ZNF678: variants seen among roughly 807,000 people sequenced by gnomAD.
ZNF678 encodes zinc finger protein 678, also known as hypothetical protein MGC42493.
Under a neutral mutation model 3.0 loss-of-function variants are expected in ZNF678, and 5 were observed. The observed-to-expected ratio is 1.69, with a 90% CI of 0.88 to 3.56. The LOEUF (loss-of-function observed/expected upper bound fraction) is 3.56, where lower values mean the gene tolerates loss of function less well. Ranked by LOEUF, ZNF678 falls within the 30% of genes most tolerant of loss-of-function variation. The pLI is 0.00. For synonymous variants in ZNF678, 218 were observed against 199.6 expected (o/e 1.09, Z -0.78); for missense variants, 593 against 605.0 (o/e 0.98, Z 0.21).
At chr1:227,643,683 T>C (rs888970215) in intron 1 of ZNF678, among the ~76,000 whole-genome samples, 3 of 152,108 alleles carry the variant, frequency 2.0e-5, no homozygotes, top group African/African-American at 4.8e-5. Context: ...TCTAAAAACA[T>C]TTTGCTCAGT....
chr1:227,665,601 C>G (rs1040006192), downstream of ZNF678, among the ~76,000 whole-genome samples: 3 of 152,176 alleles, frequency 2.0e-5, no homozygotes, highest in Non-Finnish European at 4.4e-5. Flanking sequence ...GCCAGTAAAT[C>G]CAATTATGAG....
downstream of ZNF678, among the ~76,000 whole-genome samples, chr1:227,662,693 T>C (rs576785545): frequency 2.6e-5 from 4 of 152,256 alleles, no homozygotes; most frequent in South Asian, 8.3e-4. Flanking sequence ...GACACCAGAT[T>C]GGCAAAAAAT....
intron 1 of ZNF678, among the ~76,000 whole-genome samples, chr1:227,579,995 C>T: frequency 6.6e-6 from 1 of 152,154 alleles, no homozygotes; most frequent in East Asian, 1.9e-4. Flanking sequence ...CTCTAAGGGA[C>T]AGCAGCTCTC....
At position 227,655,594 on chromosome 1, in the gene ZNF678, T is replaced by C; in HGVS notation, c.1344T>C (p.Leu448=). 26 of 1,608,126 alleles carry C rather than the reference T, an allele frequency of 1.6e-5. No homozygotes were observed. Among genetic ancestry groups the C allele is most frequent in the Non-Finnish European group, 2.1e-5 (25 of 1,177,664 alleles). Residue 448 remains leucine, a synonymous_variant, in exon 4 of 4, where the codon CTT becomes CTC. Transcript: ENST00000343776. ...AAGCTTTTTACCAATCCTCAATCCT[T>C]AGTAAGCATAAGAGAATTCATACTG... is the stretch of plus-strand genomic sequence containing the variant. The part of the protein sequence containing the change: ...CGKAFYQSSI[L]SKHKRIHTEE...
intron 1 of ZNF678, among the ~76,000 whole-genome samples, chr1:227,640,130 A>G (rs1658782188): frequency 6.6e-6 from 1 of 152,068 alleles, no homozygotes; most frequent in Non-Finnish European, 1.5e-5. Flanking sequence ...GTGAAGGGGG[A>G]AAGGGGATTG....
At chr1:227,618,246 G>A (rs1340499737) in intron 1 of ZNF678, among the ~76,000 whole-genome samples, 2 of 152,290 alleles carry the variant, frequency 1.3e-5, no homozygotes, top group Middle Eastern at 3.4e-3. Context: ...TCTGGGTGCC[G>A]CTCAGTCCAG....
intron 1 of ZNF678, among the ~76,000 whole-genome samples, chr1:227,643,071 A>T (rs1658861773): frequency 6.6e-6 from 1 of 152,022 alleles, no homozygotes. Context: ...TGCACAGGGA[A>T]CTTGGGCTTC....
At chr1:227,596,366 A>C (rs1207996764) in intron 1 of ZNF678, among the ~76,000 whole-genome samples, 1 of 152,232 alleles carries the variant, frequency 6.6e-6, no homozygotes, top group East Asian at 1.9e-4. Context: ...TCCTGTCTGA[A>C]GAGCCGAGCT....
chr1:227,572,417 G>T (rs573875678), intron 1 of ZNF678, among the ~76,000 whole-genome samples: 69 of 152,290 alleles, frequency 4.5e-4, no homozygotes, highest in Admixed American at 1.8e-3. Context: ...GGGAATGCTT[G>T]GCCAGTAGTG....
At chr1:227,605,101 C>T (rs1483526309) in intron 1 of ZNF678, among the ~76,000 whole-genome samples, 3 of 152,234 alleles carry the variant, frequency 2.0e-5, no homozygotes, top group South Asian at 4.1e-4. Flanking sequence ...GGGATCCGCC[C>T]GCCTCGGCCT....
chr1:227,600,536 A>T (rs1657711490), intron 1 of ZNF678, among the ~76,000 whole-genome samples: 1 of 152,124 alleles, frequency 6.6e-6, no homozygotes. Flanking sequence ...GCATTTCTCT[A>T]ATCAGTTATG....
intron 1 of ZNF678, among the ~76,000 whole-genome samples, chr1:227,634,523 G>A (rs993703110): frequency 2.0e-5 from 3 of 152,158 alleles, no homozygotes; most frequent in Non-Finnish European, 4.4e-5. Flanking sequence ...AGTTTGGGCA[G>A]CATTAACCAC....
Position 227,624,408 on chromosome 1 carries a change from T to A in ZNF678, c.-163-22136T>A, listed in dbSNP as rs576560782. 2.0e-5 allele frequency among the ~76,000 whole-genome samples: 3 copies of A among 152,352 alleles called. No individual in the cohort carries two copies. The East Asian group carries it at 5.8e-4, about 29-fold the overall frequency. ...CTCAGAGTACCTGGTTTTAACTTCA[T>A]ATCGCTGAAAGAGATACTGAGAAAT... On this transcript the variant is annotated intron_variant, in intron 1 of 3. Transcript: ENST00000343776.
rs1412883440 is a variant in ZNF678, at chr1:227,655,386, G to A, written c.1136G>A (p.Cys379Tyr). The change falls in exon 4 of 4, where the codon TGC becomes TAC. Residue 379 changes from cysteine (C) to tyrosine (Y), a missense_variant. Transcript: ENST00000343776. ...CATACTGGAGAGAAACCCTACAAAT[G>A]CAAAGAATGTGGCAAAGCGTTTAAC... The part of the protein sequence containing the change: ...RIHTGEKPYK[C>Y]KECGKAFNKF... 6.2e-7 allele frequency: 1 copy of A among 1,612,498 alleles called. No homozygotes were observed. Among genetic ancestry groups the A allele is most frequent in the South Asian group, 1.1e-5 (1 of 90,994 alleles).
intron 3 of ZNF678, among the ~76,000 whole-genome samples, chr1:227,653,054 G>GT (rs1385805070): frequency 6.6e-6 from 1 of 151,938 alleles, no homozygotes; most frequent in Non-Finnish European, 1.5e-5. Context: ...TAAAGTTTTT[G>GT]TTTTTTCTTT....
chr1:227,584,497 C>G (rs1285366758), intron 1 of ZNF678, among the ~76,000 whole-genome samples: 1 of 152,224 alleles, frequency 6.6e-6, no homozygotes, highest in Non-Finnish European at 1.5e-5. Context: ...TAAGGCTGAT[C>G]ACTTTTGGCT....
chr1:227,593,791 CT>C (rs770540565), intron 1 of ZNF678, among the ~76,000 whole-genome samples: 1 of 151,724 alleles, frequency 6.6e-6, no homozygotes, highest in African/African-American at 2.4e-5. Flanking sequence ...GGGTTTTCCC[CT>C]GGGACCATGG....
chr1:227,584,109 T>C (rs140155859), intron 1 of ZNF678, among the ~76,000 whole-genome samples: 15 of 152,326 alleles, frequency 9.8e-5, no homozygotes, highest in African/African-American at 3.6e-4. Context: ...TGTACATTGT[T>C]GGGGAAGTCC....
chr1:227,563,625 C>G lies in ZNF678; in HGVS notation c.-263C>G, dbSNP rs1656587780. 1.0e-5 allele frequency: 13 copies of G among 1,243,882 alleles called. No individual in the cohort carries two copies. Among genetic ancestry groups the G allele is most frequent in the Middle Eastern group, 2.2e-4 (1 of 4,568 alleles). 77.1% of individuals were successfully genotyped at this position (1,243,882 alleles called of 1,614,324 possible). On this transcript the variant is annotated 5_prime_UTR_variant, in exon 1 of 4. Coordinates refer to ENST00000343776, the MANE Select transcript of ZNF678 (RefSeq NM_001367909.1). ...CTATTTATCCCCAGCTGCGGGAGGCCCTGGTGACTCTGCTGCTGCAGTGTC... is the reference window on the plus strand; with the variant it reads ...CTATTTATCCCCAGCTGCGGGAGGCGCTGGTGACTCTGCTGCTGCAGTGTC...
Sources: allele counts gnomAD v4.1 joint callset (sites outside exome capture counted in the v4.1 genomes callset), GRCh38; gene constraint gnomAD v4.1.1; transcripts MANE v1.5; gene names NCBI Gene and HGNC (gene_info 2026-07-23, HGNC 2026-07-21).